Variants in PRKG1 observed in about 807,000 individuals in gnomAD.
The protein encoded by PRKG1 is protein kinase cGMP-dependent 1.
In PRKG1, 35 loss-of-function variants were observed where a neutral mutation model predicts 88.1. That is an observed-to-expected ratio of 0.40 (90% confidence interval 0.30 to 0.53). PRKG1 has a LOEUF of 0.53. PRKG1 is among the 20% of genes least tolerant of loss of function. The pLI is 0.59. For synonymous variants in PRKG1, 303 were observed against 292.5 expected, an observed-to-expected ratio of 1.04 and a Z score of -0.37; for missense variants, 540 against 839.8, an observed-to-expected ratio of 0.64 and a Z score of 4.41.
chr10:51,511,668 A>G (rs1233972435), intron 3 of PRKG1, among the ~76,000 whole-genome samples: 3 of 152,228 alleles, frequency 2.0e-5, no homozygotes, highest in East Asian at 1.9e-4. Flanking sequence ...TTAAAATGAG[A>G]AAGACTGGCT....
chr10:51,768,287 A>G (rs1838220305), intron 3 of PRKG1, among the ~76,000 whole-genome samples: 1 of 152,154 alleles, frequency 6.6e-6, no homozygotes, highest in African/African-American at 2.4e-5. Context: ...CAGGTTTTTC[A>G]TAAGCTAAGA....
At chr10:51,227,176 T>A (rs1274093783) in intron 2 of PRKG1, among the ~76,000 whole-genome samples, 2 of 149,912 alleles carry the variant, frequency 1.3e-5, no homozygotes, top group Non-Finnish European at 3.0e-5. Context: ...GTACATATAT[T>A]TATATATATA....
chr10:51,803,593 G>T (rs1265406409), intron 3 of PRKG1, among the ~76,000 whole-genome samples: 1 of 152,056 alleles, frequency 6.6e-6, no homozygotes, highest in Admixed American at 6.6e-5. Flanking sequence ...GCTTAGTCTT[G>T]AGAACTGTGA....
chr10:51,611,938 G>T (rs182021346), intron 3 of PRKG1, among the ~76,000 whole-genome samples: 134 of 152,154 alleles, frequency 8.8e-4, no homozygotes, highest in East Asian at 5.8e-4. Context: ...TCAAAGATCA[G>T]TTGGCTATAA....
chr10:51,409,936 T>C (rs1339080910), intron 2 of PRKG1, among the ~76,000 whole-genome samples: 1 of 150,696 alleles, frequency 6.6e-6, no homozygotes, highest in African/African-American at 2.4e-5. Context: ...TCTACCGTGA[T>C]TCACCTATGG....
chr10:51,291,635 G>A (rs1365509724), intron 2 of PRKG1, among the ~76,000 whole-genome samples: 2 of 152,060 alleles, frequency 1.3e-5, no homozygotes, highest in East Asian at 1.9e-4. Context: ...CACCTAAGCC[G>A]CAAAACTTAA....
At chr10:51,147,145 G>A (rs992517678) in intron 1 of PRKG1, among the ~76,000 whole-genome samples, 7 of 152,066 alleles carry the variant, frequency 4.6e-5, no homozygotes, top group African/African-American at 1.7e-4. Flanking sequence ...GTAGGGATGA[G>A]GGAAAGATAC....
chr10:51,686,824 C>T (rs1184760059), intron 3 of PRKG1, among the ~76,000 whole-genome samples: 1 of 152,180 alleles, frequency 6.6e-6, no homozygotes, highest in African/African-American at 2.4e-5. Flanking sequence ...CAACCTCTGT[C>T]TCCCTGGTTC....
chr10:51,685,790 T>C (rs2132379992), intron 3 of PRKG1, among the ~76,000 whole-genome samples: 1 of 152,192 alleles, frequency 6.6e-6, no homozygotes, highest in Non-Finnish European at 1.5e-5. Context: ...GCCATGATCA[T>C]ATATGTGGAG....
intron 1 of PRKG1, among the ~76,000 whole-genome samples, chr10:51,003,817 A>T (rs1330337847): frequency 6.6e-6 from 1 of 152,206 alleles, no homozygotes; most frequent in African/African-American, 2.4e-5. Flanking sequence ...AAATAAAATA[A>T]TTCCATAACA....
At chr10:52,214,893 T>C (rs1327369183) in intron 9 of PRKG1, among the ~76,000 whole-genome samples, 2 of 152,174 alleles carry the variant, frequency 1.3e-5, no homozygotes, top group African/African-American at 4.8e-5. Context: ...GTTTCTGCTA[T>C]GAAAGCAGTA....
upstream of PRKG1, among the ~76,000 whole-genome samples, chr10:51,072,687 G>T (rs1325864565): frequency 6.6e-6 from 1 of 152,026 alleles, no homozygotes; most frequent in Non-Finnish European, 1.5e-5. Flanking sequence ...GAAGTGTCTT[G>T]TGTAATCTGC....
intron 7 of PRKG1, among the ~76,000 whole-genome samples, chr10:52,108,617 A>C (rs1372375013): frequency 6.6e-6 from 1 of 152,120 alleles, no homozygotes; most frequent in Non-Finnish European, 1.5e-5. Flanking sequence ...TATTCCTCTT[A>C]TGATGTTGTT....
At chr10:51,868,807 G>T (rs1483282323) in intron 4 of PRKG1, among the ~76,000 whole-genome samples, 1 of 152,128 alleles carries the variant, frequency 6.6e-6, no homozygotes, top group African/African-American at 2.4e-5. Context: ...TATTTATTAA[G>T]TTCCTAGGAC....
intron 1 of PRKG1, among the ~76,000 whole-genome samples, chr10:51,043,742 G>T (rs1843454309): frequency 6.6e-6 from 1 of 152,134 alleles, no homozygotes; most frequent in Non-Finnish European, 1.5e-5. Flanking sequence ...ACAGTACATG[G>T]AATGTAGTCT....
intron 3 of PRKG1, among the ~76,000 whole-genome samples, chr10:51,470,556 T>G (rs1040589128): frequency 1.4e-4 from 22 of 151,956 alleles, no homozygotes; most frequent in Non-Finnish European, 2.5e-4. Context: ...GCATTTTTAT[T>G]TTCACAGTGG....
intron 3 of PRKG1, among the ~76,000 whole-genome samples, chr10:51,660,116 C>G (rs1840259326): frequency 8.0e-6 from 1 of 125,742 alleles, no homozygotes; most frequent in Admixed American, 9.8e-5. Flanking sequence ...CAAAGAAGGC[C>G]TAGGGAAGGG....
intron 9 of PRKG1, among the ~76,000 whole-genome samples, chr10:52,171,785 A>ATTTTTTTTTTTTTTTTTT (rs1358641112): frequency 1.6e-5 from 2 of 122,642 alleles, no homozygotes; most frequent in African/African-American, 3.6e-5. Context: ...CTTTTATCAA[A>ATTTTTTTTTTTTTTTTTT]ATTTTTTTTT....
At chr10:52,012,352 C>G (rs1450324400) in intron 5 of PRKG1, among the ~76,000 whole-genome samples, 1 of 151,806 alleles carries the variant, frequency 6.6e-6, no homozygotes. Context: ...AGCCATTCTC[C>G]TGCCTCAGCC....
Sources: gnomAD v4.1 joint callset for allele counts (sites outside exome capture counted in the v4.1 genomes callset) on GRCh38, gnomAD v4.1.1 for gene constraint, MANE v1.5 for transcripts, NCBI Gene and HGNC (gene_info 2026-07-23, HGNC 2026-07-21) for gene names.